The following UBAP2 variants were observed in gnomAD, a reference collection of about 807,000 sequenced individuals.
UBAP2 encodes the protein ubiquitin-associated protein 2.
In UBAP2, 75 loss-of-function variants were observed where a neutral mutation model predicts 139.6. The observed-to-expected ratio is 0.54, with a 90% CI of 0.45 to 0.65. The LOEUF is 0.65. Among genes scored for constraint, UBAP2 ranks in the 30% least tolerant of loss-of-function variants. The pLI is 0.00. For synonymous variants in UBAP2, 526 were observed against 526.2 expected (o/e 1.00, Z 0.01); for missense variants, 1,368 against 1,369.6 (o/e 1.00, Z 0.02).
At chr9:33,945,265 G>A (rs750824789) in intron 13 of UBAP2, among the ~76,000 whole-genome samples, 24 of 152,158 alleles carry the variant, frequency 1.6e-4, no homozygotes, top group Non-Finnish European at 2.8e-4. Context: ...TTGGGAGGCC[G>A]AGGCAGGCAG....
chr9:33,987,389 G>A (rs1027869663), intron 5 of UBAP2, among the ~76,000 whole-genome samples: 1 of 152,142 alleles, frequency 6.6e-6, no homozygotes, highest in African/African-American at 2.4e-5. Flanking sequence ...TCCAGCCTGG[G>A]AAAGTGAGCA....
chr9:33,983,663 T>C (rs958884576), intron 6 of UBAP2, among the ~76,000 whole-genome samples: 2 of 152,210 alleles, frequency 1.3e-5, no homozygotes, highest in African/African-American at 4.8e-5. Context: ...TATTTTCTTT[T>C]TCTTCCCAAG....
chr9:33,948,773 T>C (rs116470910), intron 12 of UBAP2, 186 bp from the exon 13 acceptor site: 4 of 517,624 alleles, frequency 7.7e-6, no homozygotes, highest in African/African-American at 3.8e-5. Flanking sequence ...ACTAAATAAA[T>C]GCAGCTATCC....
At chr9:33,974,623 G>C (rs534188670) in intron 6 of UBAP2, among the ~76,000 whole-genome samples, 1 of 151,768 alleles carries the variant, frequency 6.6e-6, no homozygotes, top group Admixed American at 6.6e-5. Context: ...AACACACAAA[G>C]AACTCCTAAA....
chr9:33,925,902 A>C (rs1231316513), intron 22 of UBAP2, among the ~76,000 whole-genome samples: 1 of 152,222 alleles, frequency 6.6e-6, no homozygotes, highest in Non-Finnish European at 1.5e-5. Context: ...GCAAGAAGAC[A>C]GTGGCTCCCA....
At position 34,037,513 on chromosome 9, in the gene UBAP2, A is replaced by G. The variant is rs148710877; in HGVS notation, c.-42+11312T>C. Among the ~76,000 whole-genome samples, 368 of 152,342 alleles carry G rather than the reference A, an allele frequency of 2.4e-3. 2 individuals are homozygous for G. Among genetic ancestry groups the G allele is most frequent in the Non-Finnish European group, 3.6e-3 (247 of 68,022 alleles). On this transcript the variant is annotated intron_variant, in intron 1 of 28. Coordinates refer to ENST00000379238, the MANE Select transcript of UBAP2 (RefSeq NM_001370062.2). ...CAAAGGAAACTTTCATCAGTGTTTC[A>G]AAACTTAGGGTTGGCATAGCAGTCA...
At position 33,928,012 on chromosome 9, in the gene UBAP2, G is replaced by A; in HGVS notation, c.2176-20C>T. 1 of 1,600,110 alleles carries A rather than the reference G, an allele frequency of 6.2e-7. No individual in the cohort carries two copies. The highest frequency in any genetic ancestry group is 1.3e-5 in the African/African-American group (1 of 74,804). On this transcript the variant is annotated intron_variant, in intron 19 of 28. Coordinates refer to ENST00000379238, the MANE Select transcript of UBAP2 (RefSeq NM_001370062.2). Reference sequence around the variant, plus strand: ...GGCATGCTGGCAAAAGAAAAGCCAGGACACATGGATCTGGAGGCAGAGGAG... The same window carrying A: ...GGCATGCTGGCAAAAGAAAAGCCAGAACACATGGATCTGGAGGCAGAGGAG...
intron 6 of UBAP2, among the ~76,000 whole-genome samples, chr9:33,978,943 T>C (rs935742126): frequency 3.9e-5 from 6 of 152,186 alleles, no homozygotes; most frequent in African/African-American, 1.4e-4. Context: ...TAACTTCAAG[T>C]GTAATTCATT....
chr9:33,968,039 C>G (rs908056071), intron 8 of UBAP2: 1 of 414,028 alleles, frequency 2.4e-6, no homozygotes, highest in African/African-American at 2.1e-5. Flanking sequence ...GGAACAAATC[C>G]AGTATCCATT....
At chr9:33,972,119 C>T (rs1245031885) in intron 7 of UBAP2, among the ~76,000 whole-genome samples, 1 of 152,178 alleles carries the variant, frequency 6.6e-6, no homozygotes, top group Non-Finnish European at 1.5e-5. Flanking sequence ...GTATTTTCTT[C>T]CCAAGTCAGA....
In UBAP2 at chr9:34,019,688, T is replaced by TACACACAC. The variant is rs56358132; in HGVS notation, c.-41-2507_-41-2500dup. Among the ~76,000 whole-genome samples the TACACACAC allele has an allele frequency of 4.4e-3, 640 of 144,852 alleles. 5 individuals carry two copies. Among genetic ancestry groups the TACACACAC allele is most frequent in the African/African-American group, 0.014 (538 of 38,802 alleles). On this transcript the variant is annotated intron_variant, in intron 1 of 28. Coordinates refer to ENST00000379238, the MANE Select transcript of UBAP2 (RefSeq NM_001370062.2). ...AAACTTTATGTTATGTACATTTTAC[T>TACACACAC]ACACACACACACACACACACACACA...
At chr9:33,975,888 G>A (rs1258645972) in intron 6 of UBAP2, among the ~76,000 whole-genome samples, 1 of 151,614 alleles carries the variant, frequency 6.6e-6, no homozygotes, top group Non-Finnish European at 1.5e-5. Context: ...TTGACCATAT[G>A]ATCATGAAAT....
rs764689907 is a variant in UBAP2 at position 33,973,230 on chromosome 9, T to C, written c.528A>G (p.Gly176=). Residue 176 remains glycine (G), a synonymous_variant, in exon 7 of 29, where the codon GGA becomes GGG. Transcript: ENST00000379238. Reference sequence around the variant, plus strand: ...TTCCTGCCCCTCTCCCTCTGCCACGTCCAAATCCTTTAAAAAAACACACAA... The same window carrying C: ...TTCCTGCCCCTCTCCCTCTGCCACGCCCAAATCCTTTAAAAAAACACACAA... ...RGKRARGRGF[G]RGRGRGAGRF... 6.2e-7 allele frequency: 1 copy of C among 1,613,928 alleles called. No individual in the cohort carries two copies. The highest frequency in any genetic ancestry group is 8.5e-7 in the Non-Finnish European group (1 of 1,179,928).
chr9:34,012,527 T>C (rs1587657916), intron 2 of UBAP2, among the ~76,000 whole-genome samples: 1 of 21,202 alleles, frequency 4.7e-5, no homozygotes. Flanking sequence ...TAAAACTGTC[T>C]CAAAAAAAAA....
At chr9:33,926,855 G>A (rs1823477470) in intron 21 of UBAP2, 134 bp downstream of exon 21, 2 of 1,000,364 alleles carry the variant, frequency 2.0e-6, no homozygotes, top group Non-Finnish European at 3.1e-6. Context: ...GCTCAGTGGG[G>A]CAGAGACGGG....
intron 3 of UBAP2, 91 bp from the exon 4 acceptor site, chr9:33,996,424 C>T (rs190581385): frequency 1.2e-6 from 1 of 843,196 alleles, no homozygotes; most frequent in East Asian, 2.5e-5. Context: ...ATTACATAAT[C>T]CTTCTACATG....
intron 1 of UBAP2, among the ~76,000 whole-genome samples, chr9:34,040,950 C>G (rs542919937): frequency 6.6e-6 from 1 of 152,162 alleles, no homozygotes; most frequent in Admixed American, 6.6e-5. Flanking sequence ...GTAAAAGTTA[C>G]ACATACCCTA....
chr9:34,028,933 C>T (rs571634085), intron 1 of UBAP2, among the ~76,000 whole-genome samples: 1 of 151,982 alleles, frequency 6.6e-6, no homozygotes, highest in South Asian at 2.1e-4. Flanking sequence ...GGCGGCGTGG[C>T]AAGTCCTCGT....
Position 33,922,594 on chromosome 9 carries a change from G to C in UBAP2, c.3270C>G (p.Gly1090=). ...HHHLPQDAQS[G]SGQRSQPSSL... ...AGCTGGGCTGGCTGCGCTGACCCGAGCCACTCTGAGGAAGAGGAGAAGGGA... is the reference window on the plus strand; with the variant it reads ...AGCTGGGCTGGCTGCGCTGACCCGACCCACTCTGAGGAAGAGGAGAAGGGA... Residue 1090 remains glycine (G), a synonymous_variant, in exon 29 of 29, where the codon GGC becomes GGG. Coordinates refer to ENST00000379238, the MANE Select transcript of UBAP2 (RefSeq NM_001370062.2). 1 of 1,613,440 alleles carries C rather than the reference G, an allele frequency of 6.2e-7. No individual in the cohort carries two copies. The highest frequency in any genetic ancestry group is 1.1e-5 in the South Asian group (1 of 90,990).
Sources: allele counts gnomAD v4.1 joint callset (sites outside exome capture counted in the v4.1 genomes callset), GRCh38; gene constraint gnomAD v4.1.1; transcripts MANE v1.5; gene names NCBI Gene and HGNC (gene_info 2026-07-23, HGNC 2026-07-21).